SGIP1: variants seen among roughly 807,000 people sequenced by gnomAD.
The protein encoded by SGIP1 is SH3GL interacting endocytic adaptor 1.
Under a neutral mutation model 107.5 loss-of-function variants are expected in SGIP1, and 38 were observed. That is an observed-to-expected ratio of 0.35 (90% confidence interval 0.27 to 0.46). The LOEUF (loss-of-function observed/expected upper bound fraction) is 0.46. Among genes scored for constraint, SGIP1 ranks in the 20% least tolerant of loss-of-function variants. The pLI is 1.00. For synonymous variants in SGIP1, 365 were observed against 366.1 expected (o/e 1.00, Z 0.03); for missense variants, 929 against 1,019.5 (o/e 0.91, Z 1.21).
At chr1:66,724,013 A>G (rs146321127) in intron 19 of SGIP1, among the ~76,000 whole-genome samples, 52 of 152,338 alleles carry the variant, frequency 3.4e-4, no homozygotes, top group African/African-American at 1.1e-3. Flanking sequence ...AGCAGTACAT[A>G]AGCCAAAGAA....
chr1:66,544,029 T>A (rs2055699748), intron 1 of SGIP1, among the ~76,000 whole-genome samples: 1 of 152,214 alleles, frequency 6.6e-6, no homozygotes. Flanking sequence ...GTGTTACTTG[T>A]GGATTTCTTA....
intron 18 of SGIP1, among the ~76,000 whole-genome samples, chr1:66,714,719 T>G (rs765131177): frequency 6.6e-6 from 1 of 152,158 alleles, no homozygotes; most frequent in Non-Finnish European, 1.5e-5. Flanking sequence ...GAGAGAACCT[T>G]AACACCTAAG....
At chr1:66,648,293 G>A (rs1263564624) in intron 7 of SGIP1, among the ~76,000 whole-genome samples, 3 of 152,186 alleles carry the variant, frequency 2.0e-5, no homozygotes, top group Non-Finnish European at 4.4e-5. Context: ...ACCTTCTGAA[G>A]AAGATTCTGC....
chr1:66,629,336 A>G (rs1023240914), intron 2 of SGIP1, among the ~76,000 whole-genome samples: 5 of 152,210 alleles, frequency 3.3e-5, no homozygotes, highest in African/African-American at 1.2e-4. Flanking sequence ...GGCCCTGTGC[A>G]GGACATATGT....
intron 20 of SGIP1, among the ~76,000 whole-genome samples, chr1:66,733,113 C>G (rs903718911): frequency 2.0e-5 from 3 of 152,174 alleles, no homozygotes; most frequent in Admixed American, 2.0e-4. Context: ...CTTATAGAGA[C>G]TCTGCTCTTC....
intron 18 of SGIP1, among the ~76,000 whole-genome samples, chr1:66,704,993 A>T (rs2092362832): frequency 6.6e-6 from 1 of 152,210 alleles, no homozygotes; most frequent in Non-Finnish European, 1.5e-5. Context: ...ATGTGCTAAG[A>T]ATTTTATATT....
At chr1:66,652,745 T>C (rs1318909364) in intron 7 of SGIP1, among the ~76,000 whole-genome samples, 1 of 151,634 alleles carries the variant, frequency 6.6e-6, no homozygotes, top group Non-Finnish European at 1.5e-5. Flanking sequence ...CCCCATTGAG[T>C]TCAGTGAAAA....
chr1:66,684,838 C>A (rs138617222), intron 15 of SGIP1, among the ~76,000 whole-genome samples: 1 of 152,124 alleles, frequency 6.6e-6, no homozygotes, highest in Admixed American at 6.5e-5. Context: ...AGCTTCCATA[C>A]CTTTATTTGA....
intron 3 of SGIP1, chr1:66,634,085 G>GA (rs745636084): frequency 9.4e-6 from 15 of 1,602,510 alleles, no homozygotes; most frequent in Admixed American, 3.4e-5. Flanking sequence ...TTCAGCAGGG[G>GA]AAAAAAAAGA....
At chr1:66,590,035 C>T (rs1385417220) in intron 1 of SGIP1, among the ~76,000 whole-genome samples, 2 of 152,138 alleles carry the variant, frequency 1.3e-5, no homozygotes, top group African/African-American at 4.8e-5. Flanking sequence ...TAGACTAAGA[C>T]CTCAAGTGAC....
chr1:66,674,222 T>C (rs2084623201), intron 12 of SGIP1, among the ~76,000 whole-genome samples: 1 of 152,160 alleles, frequency 6.6e-6, no homozygotes, highest in Non-Finnish European at 1.5e-5. Flanking sequence ...ATTTCTGCCA[T>C]TATTTTTGAG....
chr1:66,594,070 A>C (rs949437971), intron 1 of SGIP1, among the ~76,000 whole-genome samples: 3 of 152,210 alleles, frequency 2.0e-5, no homozygotes, highest in African/African-American at 7.2e-5. Context: ...ACTTAAAGTT[A>C]TAAAGTGGAA....
chr1:66,682,103 G>A lies in SGIP1; in HGVS notation c.1049G>A (p.Gly350Asp), dbSNP rs749293354. 6.2e-7 allele frequency: 1 copy of A among 1,614,130 alleles called. No individual in the cohort carries two copies. The highest frequency in any genetic ancestry group is 1.1e-5 in the South Asian group (1 of 91,078). ...PDNPADSPAP[G>D]PLGPPGPTGP... ...AACCCAGCTGACTCCCCAGCTCCAGGCCCTCTCGGCCCCCCAGGTCCCACA... is the reference window on the plus strand; with the variant it reads ...AACCCAGCTGACTCCCCAGCTCCAGACCCTCTCGGCCCCCCAGGTCCCACA... The change falls in exon 15 of 25, where the codon GGC (glycine) becomes GAC (aspartate). Residue 350 changes from glycine (G) to aspartate (D), a missense_variant. Coordinates refer to ENST00000371037, the MANE Select transcript of SGIP1 (RefSeq NM_032291.4).
At chr1:66,577,553 A>T (rs2148688438) in intron 1 of SGIP1, among the ~76,000 whole-genome samples, 1 of 152,230 alleles carries the variant, frequency 6.6e-6, no homozygotes, top group Middle Eastern at 3.4e-3. Context: ...GGTTCATGGG[A>T]CTATTTTAAC....
At position 66,745,760 on chromosome 1, in the gene SGIP1, G is replaced by A. The variant is rs2094544006; in HGVS notation, c.*2665G>A. On this transcript the variant is annotated 3_prime_UTR_variant, in exon 25 of 25. Transcript: ENST00000371037. ...AGGTTCTGCTTTAGCAAGATAAAAA[G>A]TATAAATGATGCTACTTTATTTTGG... is the stretch of plus-strand genomic sequence containing the variant. The A allele has an allele frequency of 6.6e-6, 1 of 151,980 alleles. No individual in the cohort carries two copies. The highest frequency in any genetic ancestry group is 6.6e-5 in the Admixed American group (1 of 15,260). The allele number at this position is 151,980 out of a possible 1,614,324, so 9.4% of individuals were successfully genotyped here. A position where few individuals can be genotyped will look rare whatever the true frequency, so the allele number is the denominator to read the frequency against.
chr1:66,660,931 A>G (rs995259253), intron 8 of SGIP1, among the ~76,000 whole-genome samples: 2 of 152,248 alleles, frequency 1.3e-5, no homozygotes, highest in African/African-American at 4.8e-5. Context: ...TGGAATGCCT[A>G]TGAAGCTGGC....
chr1:66,553,092 C>T (rs142284621), intron 1 of SGIP1, among the ~76,000 whole-genome samples: 12 of 152,210 alleles, frequency 7.9e-5, no homozygotes, highest in East Asian at 7.7e-4. Context: ...AATGCTGGGA[C>T]GACAGCTCCA....
At position 66,743,169 on chromosome 1, in the gene SGIP1, G is replaced by A. The variant is rs2094509642; in HGVS notation, c.*74G>A. On this transcript the variant is annotated 3_prime_UTR_variant, in exon 25 of 25. Coordinates refer to ENST00000371037, the MANE Select transcript of SGIP1 (RefSeq NM_032291.4). ...GTATGAGAAACAGATTTTAATTTTG[G>A]TTTGATGAAAACAAACCAATATCTG... 9 of 1,560,284 alleles carry A rather than the reference G, an allele frequency of 5.8e-6. No individual in the cohort carries two copies. The highest frequency in any genetic ancestry group is 6.1e-6 in the Non-Finnish European group (7 of 1,138,218).
chr1:66,539,339 G>T (rs1483121249), intron 1 of SGIP1, among the ~76,000 whole-genome samples: 2 of 152,206 alleles, frequency 1.3e-5, no homozygotes, highest in African/African-American at 2.4e-5. Context: ...CCAAATGTAG[G>T]TGTGGGCACA....
Sources: allele counts gnomAD v4.1 joint callset (sites outside exome capture counted in the v4.1 genomes callset), GRCh38; gene constraint gnomAD v4.1.1; transcripts MANE v1.5; gene names NCBI Gene and HGNC (gene_info 2026-07-23, HGNC 2026-07-21).